Variants in DZIP3 observed in about 807,000 individuals in gnomAD.
The protein encoded by DZIP3 is DAZ interacting zinc finger protein 3.
In DZIP3, 118 loss-of-function variants were observed where a neutral mutation model predicts 162.0. The ratio of observed to expected loss-of-function variants is 0.73; its 90% CI spans 0.63 to 0.85. The LOEUF is 0.85. DZIP3 is among the 40% of genes least tolerant of loss of function. DZIP3 has a pLI of 0.00. For missense variants in DZIP3, 1,331 were observed against 1,407.0 expected (o/e 0.95, Z 0.86); for synonymous variants, 438 against 458.6 (o/e 0.96, Z 0.57).
chr3:108,619,498 T>C (rs1941214808), intron 5 of DZIP3, among the ~76,000 whole-genome samples: 2 of 152,118 alleles, frequency 1.3e-5, no homozygotes, highest in South Asian at 2.1e-4. Context: ...GCTTGTGATA[T>C]AACTCATCCC....
intron 4 of DZIP3, among the ~76,000 whole-genome samples, chr3:108,615,742 A>G (rs910220092): frequency 1.3e-5 from 2 of 152,256 alleles, no homozygotes; most frequent in Non-Finnish European, 2.9e-5. Flanking sequence ...ACTATAGTAC[A>G]TAATAAAGCA....
intron 4 of DZIP3, among the ~76,000 whole-genome samples, chr3:108,614,559 T>C (rs1940896736): frequency 6.6e-6 from 1 of 152,204 alleles, no homozygotes; most frequent in African/African-American, 2.4e-5. Context: ...AATTGGACCC[T>C]ACCTATATTT....
intron 4 of DZIP3, among the ~76,000 whole-genome samples, chr3:108,614,128 A>G (rs1286209214): frequency 2.0e-5 from 3 of 152,236 alleles, no homozygotes; most frequent in Non-Finnish European, 2.9e-5. Context: ...AAGGATAGTT[A>G]AAACTAATGA....
intron 22 of DZIP3, among the ~76,000 whole-genome samples, chr3:108,672,214 A>G (rs1020413915): frequency 2.0e-5 from 3 of 151,910 alleles, no homozygotes; most frequent in Admixed American, 2.0e-4. Flanking sequence ...GGGGGTTAAG[A>G]TTTCAACATA....
chr3:108,648,190 C>A, intron 16 of DZIP3, 78 bp downstream of exon 16: 2 of 1,327,344 alleles, frequency 1.5e-6, no homozygotes, highest in African/African-American at 1.5e-5. Flanking sequence ...GTACTTAAAG[C>A]ATCCCAGATA....
intron 1 of DZIP3, among the ~76,000 whole-genome samples, chr3:108,601,035 T>C (rs1939984744): frequency 2.0e-5 from 3 of 152,226 alleles, no homozygotes; most frequent in Admixed American, 2.0e-4. Context: ...TTTGCTTTCT[T>C]GTAGACGTAA....
intron 1 of DZIP3, 119 bp from the exon 2 acceptor site, chr3:108,605,216 A>C (rs1458349422): frequency 5.6e-6 from 4 of 716,554 alleles, no homozygotes. Flanking sequence ...CGAAACTATG[A>C]TTCATTTTCT....
rs1449046527 is a variant in DZIP3 at position 108,642,493 on chromosome 3, A to G, written c.1120A>G (p.Ser374Gly). Residue 374 changes from serine to glycine, a missense_variant, in exon 13 of 33, where the codon AGT (serine) becomes GGT (glycine). By Grantham distance (56) the Ser-to-Gly change is moderately conservative. Coordinates refer to ENST00000361582, the MANE Select transcript of DZIP3 (RefSeq NM_014648.4). ...TGATACTGATATAAGACCGAAGATC[A>G]GTTTAAAATTTAATACAAAAGGTAT... ...ITDTDIRPKI[S>G]LKFNTKDEMP... The G allele has an allele frequency of 3.4e-6, 5 of 1,480,638 alleles. No individual in the cohort carries two copies. In the East Asian group the frequency reaches 1.0e-4, roughly 30 times the overall value. 91.7% of individuals were successfully genotyped at this position (1,480,638 alleles called of 1,614,324 possible).
intron 1 of DZIP3, among the ~76,000 whole-genome samples, chr3:108,600,900 A>G (rs111611457): frequency 6.6e-6 from 1 of 152,110 alleles, no homozygotes; most frequent in Admixed American, 6.6e-5. Flanking sequence ...CTGCTTTGAC[A>G]CTCACTAGCT....
intron 17 of DZIP3, 54 bp downstream of exon 17, chr3:108,649,016 C>T (rs1942752194): frequency 3.0e-6 from 3 of 996,300 alleles, no homozygotes; most frequent in Non-Finnish European, 4.0e-6. Flanking sequence ...GAGTTAAATA[C>T]ATGAATTCAT....
intron 7 of DZIP3, among the ~76,000 whole-genome samples, chr3:108,628,543 A>G (rs1488651783): frequency 2.0e-5 from 3 of 152,172 alleles, no homozygotes; most frequent in Non-Finnish European, 1.5e-5. Flanking sequence ...ATGTTGCCAT[A>G]GAAGCCTTCT....
At chr3:108,601,122 CTTAA>C (rs1188471425) in intron 1 of DZIP3, among the ~76,000 whole-genome samples, 1 of 152,198 alleles carries the variant, frequency 6.6e-6, no homozygotes, top group East Asian at 1.9e-4. Context: ...TCTAGGTCCA[CTTAA>C]TTAAGCTTGT....
chr3:108,643,711 G>A (rs1942497933), intron 13 of DZIP3, among the ~76,000 whole-genome samples: 1 of 151,804 alleles, frequency 6.6e-6, no homozygotes, highest in Non-Finnish European at 1.5e-5. Flanking sequence ...CCAATGCTCA[G>A]TGAGTATTAG....
intron 8 of DZIP3, among the ~76,000 whole-genome samples, chr3:108,631,055 A>ACACACACACACACACTCTCTCT: frequency 3.8e-3 from 68 of 18,012 alleles, no homozygotes; most frequent in South Asian, 7.0e-3. Flanking sequence ...ACACACACAC[A>ACACACACACACACACTCTCTCT]CTCTCTCTCT....
intron 26 of DZIP3, among the ~76,000 whole-genome samples, chr3:108,683,599 T>C (rs954670018): frequency 6.6e-6 from 1 of 152,126 alleles, no homozygotes; most frequent in African/African-American, 2.4e-5. Flanking sequence ...AAGGTCTAGA[T>C]TTCCATAACC....
chr3:108,654,140 T>C lies in DZIP3; in HGVS notation c.2034-5T>C, dbSNP rs1943002439. The C allele has an allele frequency of 3.1e-6, 5 of 1,612,634 alleles. No individual in the cohort carries two copies. Among genetic ancestry groups the C allele is most frequent in the Non-Finnish European group, 3.4e-6 (4 of 1,179,292 alleles). On this transcript the variant is annotated splice_polypyrimidine_tract_variant and splice_region_variant and intron_variant, in intron 18 of 32. Transcript: ENST00000361582. ...AAGCTCACATTGATTATGTCACGAC[T>C]ACAGCCCATATGTGGTAGAAAAGGA...
At chr3:108,607,166 TGTTG>T (rs1940426938) in intron 2 of DZIP3, among the ~76,000 whole-genome samples, 1 of 152,166 alleles carries the variant, frequency 6.6e-6, no homozygotes, top group Non-Finnish European at 1.5e-5. Flanking sequence ...TATTGTGAAA[TGTTG>T]GCATGTGTAT....
intron 31 of DZIP3, among the ~76,000 whole-genome samples, chr3:108,690,079 A>G (rs185766612): frequency 7.9e-5 from 12 of 152,360 alleles, no homozygotes; most frequent in South Asian, 2.1e-4. Flanking sequence ...CTGACAATTT[A>G]GGAAATACAT....
At chr3:108,607,307 G>T (rs1426796005) in intron 2 of DZIP3, among the ~76,000 whole-genome samples, 1 of 152,158 alleles carries the variant, frequency 6.6e-6, no homozygotes, top group Non-Finnish European at 1.5e-5. Flanking sequence ...TCTGTCAAAT[G>T]AATGCATAAA....
Sources: allele counts gnomAD v4.1 joint callset (sites outside exome capture counted in the v4.1 genomes callset), GRCh38; gene constraint gnomAD v4.1.1; transcripts MANE v1.5; gene names NCBI Gene and HGNC (gene_info 2026-07-23, HGNC 2026-07-21).